The following CDIN1 variants were observed in gnomAD, a reference collection of about 807,000 sequenced individuals.
CDIN1 encodes the protein CDAN1 interacting nuclease 1.
In CDIN1, 33 loss-of-function variants were observed where a neutral mutation model predicts 45.3. The ratio of observed to expected loss-of-function variants is 0.73; its 90% CI spans 0.55 to 0.97. The LOEUF (loss-of-function observed/expected upper bound fraction) is 0.97. CDIN1 is among the 50% of genes least tolerant of loss of function. The pLI is 0.00. For missense variants in CDIN1, 303 were observed against 339.4 expected, an observed-to-expected ratio of 0.89 and a Z score of 0.84; for synonymous variants, 118 against 124.4, an observed-to-expected ratio of 0.95 and a Z score of 0.34.
chr15:36,741,540 G>T (rs542489472), intron 10 of CDIN1, among the ~76,000 whole-genome samples: 1 of 151,306 alleles, frequency 6.6e-6, no homozygotes, highest in Admixed American at 6.6e-5. Context: ...TCCTAGGGTG[G>T]TCATAACAGA....
chr15:36,795,280 A>G (rs901115598), intron 10 of CDIN1, among the ~76,000 whole-genome samples: 2 of 152,236 alleles, frequency 1.3e-5, no homozygotes, highest in Admixed American at 1.3e-4. Context: ...CAAAATAGCT[A>G]GAAGAGAAAA....
chr15:36,655,012 A>G lies in CDIN1; in HGVS notation c.273+854A>G, dbSNP rs527900546. Among the ~76,000 whole-genome samples the G allele has an allele frequency of 2.7e-4, 41 of 152,298 alleles. No homozygotes were observed. The South Asian group carries it at 6.6e-3, about 25-fold the overall frequency. ...GGAAAACATAGAAGCAAGGCAGAAA[A>G]TGTGTGTTTGCATTAAAGATGACTC... On this transcript the variant is annotated intron_variant, in intron 4 of 10. Transcript: ENST00000566621.
intron 10 of CDIN1, among the ~76,000 whole-genome samples, chr15:36,719,206 A>G (rs2140873017): frequency 6.6e-6 from 1 of 152,270 alleles, no homozygotes; most frequent in South Asian, 2.1e-4. Context: ...CCTGGGCAGT[A>G]GAGTGAGACT....
chr15:36,783,772 CTG>C (rs1468205391), intron 10 of CDIN1, among the ~76,000 whole-genome samples: 2 of 152,312 alleles, frequency 1.3e-5, no homozygotes, highest in African/African-American at 2.4e-5. Context: ...TTGACAAACA[CTG>C]TACCACAAAG....
At chr15:36,751,348 C>G (rs1022673741) in intron 10 of CDIN1, among the ~76,000 whole-genome samples, 1 of 148,406 alleles carries the variant, frequency 6.7e-6, no homozygotes, top group African/African-American at 2.5e-5. Context: ...CTAGGTATTC[C>G]TGAAAACAAT....
chr15:36,674,724 G>A (rs2041581835), intron 5 of CDIN1, among the ~76,000 whole-genome samples: 1 of 152,090 alleles, frequency 6.6e-6, no homozygotes, highest in Admixed American at 6.6e-5. Context: ...TTTGTTAAGG[G>A]AAATGAGTGT....
chr15:36,724,667 T>C (rs2043556282), intron 10 of CDIN1, among the ~76,000 whole-genome samples: 1 of 152,094 alleles, frequency 6.6e-6, no homozygotes. Flanking sequence ...AAATGCCTCT[T>C]ATAAACAGGG....
At chr15:36,687,701 G>T (rs192192947) in intron 5 of CDIN1, among the ~76,000 whole-genome samples, 93 of 152,010 alleles carry the variant, frequency 6.1e-4, no homozygotes, top group African/African-American at 2.1e-3. Context: ...TATTTCATGT[G>T]TAGTTGAAAA....
At chr15:36,764,688 T>C (rs2053864461) in intron 10 of CDIN1, among the ~76,000 whole-genome samples, 1 of 152,196 alleles carries the variant, frequency 6.6e-6, no homozygotes, top group South Asian at 2.1e-4. Context: ...TCCCCTTCTT[T>C]CTTTAAATCA....
At chr15:36,640,184 T>C (rs2040050442) in intron 1 of CDIN1, among the ~76,000 whole-genome samples, 1 of 152,296 alleles carries the variant, frequency 6.6e-6, no homozygotes, top group African/African-American at 2.4e-5. Context: ...AATTCTGTTT[T>C]AATTTTAGAG....
At chr15:36,805,024 C>G (rs2055182337) in intron 10 of CDIN1, among the ~76,000 whole-genome samples, 1 of 151,872 alleles carries the variant, frequency 6.6e-6, no homozygotes, top group Admixed American at 6.6e-5. Context: ...TTATGAAAAA[C>G]CTCATCTTTC....
chr15:36,695,887 T>C (rs572389510), intron 7 of CDIN1, among the ~76,000 whole-genome samples: 1 of 152,134 alleles, frequency 6.6e-6, no homozygotes, highest in East Asian at 1.9e-4. Context: ...TATCTACTTG[T>C]GTGGCTATTA....
At chr15:36,799,696 T>A (rs1469311403) in intron 10 of CDIN1, 1 of 152,214 alleles carries the variant, frequency 6.6e-6, no homozygotes, top group African/African-American at 2.4e-5. Context: ...TTGATTACTA[T>A]GTTAAGCAAT....
chr15:36,622,354 GT>G (rs1257294425), intron 1 of CDIN1, among the ~76,000 whole-genome samples: 1 of 152,140 alleles, frequency 6.6e-6, no homozygotes, highest in Admixed American at 6.5e-5. Flanking sequence ...CATAGAAGTG[GT>G]AGGAAGGAAA....
intron 10 of CDIN1, among the ~76,000 whole-genome samples, chr15:36,769,027 T>G (rs2053998681): frequency 1.3e-5 from 2 of 151,128 alleles, no homozygotes; most frequent in East Asian, 1.9e-4. Flanking sequence ...AGATAAGAGA[T>G]TATATTCAAG....
intron 1 of CDIN1, among the ~76,000 whole-genome samples, chr15:36,620,046 T>G (rs6495860): frequency 0.27 from 41,560 of 151,686 alleles, 6,138 homozygotes; most frequent in African/African-American, 0.39. Flanking sequence ...AAGAATGGGG[T>G]TTCTTAAAAA....
chr15:36,582,204 C>T (rs2140151613), intron 1 of CDIN1, among the ~76,000 whole-genome samples: 1 of 152,242 alleles, frequency 6.6e-6, no homozygotes, highest in South Asian at 2.1e-4. Flanking sequence ...GAATAATATA[C>T]TTTGTTATCA....
intron 8 of CDIN1, among the ~76,000 whole-genome samples, chr15:36,698,363 T>C (rs1566910385): frequency 6.6e-6 from 1 of 152,320 alleles, no homozygotes; most frequent in East Asian, 1.9e-4. Context: ...ATCATAAATA[T>C]TCCCTAGTTA....
chr15:36,619,499 C>G (rs1253874541), intron 1 of CDIN1, among the ~76,000 whole-genome samples: 1 of 151,714 alleles, frequency 6.6e-6, no homozygotes, highest in Non-Finnish European at 1.5e-5. Flanking sequence ...ATCTATCTAT[C>G]TATCTATCTA....
Sources: gnomAD v4.1 joint callset for allele counts (sites outside exome capture counted in the v4.1 genomes callset) on GRCh38, gnomAD v4.1.1 for gene constraint, MANE v1.5 for transcripts, NCBI Gene and HGNC (gene_info 2026-07-23, HGNC 2026-07-21) for gene names.